RALYL: variants seen among roughly 807,000 people sequenced by gnomAD.
The protein encoded by RALYL is RALY RNA binding protein like.
Under a neutral mutation model 35.1 loss-of-function variants are expected in RALYL, and 29 were observed. That is an observed-to-expected ratio of 0.83 (90% confidence interval 0.61 to 1.13). The LOEUF (loss-of-function observed/expected upper bound fraction) is 1.13. Ranked by LOEUF, RALYL falls within the 50% of genes most tolerant of loss-of-function variation. RALYL has a pLI of 0.00. For synonymous variants in RALYL, 120 were observed against 127.6 expected (o/e 0.94, Z 0.40); for missense variants, 359 against 360.4 (o/e 1.00, Z 0.03).
intron 2 of RALYL, among the ~76,000 whole-genome samples, chr8:84,567,119 C>T (rs905300481): frequency 2.6e-5 from 4 of 151,724 alleles, no homozygotes; most frequent in Non-Finnish European, 5.9e-5. Context: ...TATGAGTTAT[C>T]TATAAATTCT....
chr8:84,210,021 G>A (rs2131146962), intron 1 of RALYL, among the ~76,000 whole-genome samples: 2 of 152,248 alleles, frequency 1.3e-5, no homozygotes, highest in South Asian at 4.1e-4. Flanking sequence ...AAAGGCAAAA[G>A]TAGTTATTAA....
intron 6 of RALYL, among the ~76,000 whole-genome samples, chr8:84,871,798 T>C (rs1840234705): frequency 1.3e-5 from 2 of 152,180 alleles, no homozygotes; most frequent in South Asian, 4.1e-4. Flanking sequence ...ATGGGAAAAG[T>C]TTTCTCATTT....
intron 2 of RALYL, among the ~76,000 whole-genome samples, chr8:84,686,060 A>T (rs1278997151): frequency 6.6e-6 from 1 of 152,202 alleles, no homozygotes; most frequent in Non-Finnish European, 1.5e-5. Flanking sequence ...CAGCTGGTGC[A>T]GTTTTTTTGC....
intron 1 of RALYL, among the ~76,000 whole-genome samples, chr8:84,371,571 A>G (rs1174362585): frequency 6.6e-6 from 1 of 151,262 alleles, no homozygotes; most frequent in Non-Finnish European, 1.5e-5. Context: ...ACACACACAC[A>G]CAGAAAGAGA....
At chr8:84,487,646 A>G (rs909274711) in intron 1 of RALYL, among the ~76,000 whole-genome samples, 4 of 152,122 alleles carry the variant, frequency 2.6e-5, no homozygotes, top group Admixed American at 6.6e-5. Flanking sequence ...CATATTGTCT[A>G]TGCAGCTTTC....
intron 1 of RALYL, among the ~76,000 whole-genome samples, chr8:84,284,408 A>G (rs749632311): frequency 1.4e-4 from 22 of 152,208 alleles, no homozygotes; most frequent in Admixed American, 7.2e-4. Flanking sequence ...TAGGCTATAT[A>G]AAATTCATTT....
intron 2 of RALYL, among the ~76,000 whole-genome samples, chr8:84,669,744 G>A (rs1167845362): frequency 6.6e-6 from 1 of 151,964 alleles, no homozygotes. Context: ...AGTCAGTGGT[G>A]TACTTCCATT....
At chr8:84,757,872 G>A (rs540080154) in intron 2 of RALYL, among the ~76,000 whole-genome samples, 2 of 152,072 alleles carry the variant, frequency 1.3e-5, no homozygotes, top group Non-Finnish European at 2.9e-5. Context: ...TTTCTATATG[G>A]CAAAGTAAAA....
chr8:84,211,712 C>T (rs567169651), intron 1 of RALYL, among the ~76,000 whole-genome samples: 60 of 151,168 alleles, frequency 4.0e-4, no homozygotes, highest in Non-Finnish European at 7.5e-4. Context: ...TGTTGGCTGA[C>T]AGCAAGATGT....
At chr8:84,460,048 A>G (rs9298424) in intron 1 of RALYL, among the ~76,000 whole-genome samples, 62,958 of 151,566 alleles carry the variant, frequency 0.42, 13,160 homozygotes, top group South Asian at 0.53. Context: ...ATGAGATGTG[A>G]GATTTTGGCT....
intron 2 of RALYL, among the ~76,000 whole-genome samples, chr8:84,620,288 C>G (rs1263780956): frequency 1.3e-4 from 20 of 151,956 alleles, no homozygotes; most frequent in Non-Finnish European, 2.5e-4. Context: ...AGGCTTTGCT[C>G]ATTTCTTTTT....
chr8:84,722,617 TTA>T (rs71823678), intron 2 of RALYL, among the ~76,000 whole-genome samples: 978 of 97,240 alleles, frequency 0.01, 13 homozygotes, highest in African/African-American at 0.015. Context: ...TAGAGTGATT[TTA>T]TATATATATA....
intron 4 of RALYL, among the ~76,000 whole-genome samples, chr8:84,808,183 G>A (rs1825100812): frequency 6.6e-6 from 1 of 152,180 alleles, no homozygotes; most frequent in South Asian, 2.1e-4. Context: ...TTATGTATAA[G>A]ACGAGAGATG....
intron 1 of RALYL, among the ~76,000 whole-genome samples, chr8:84,455,135 C>T (rs767016887): frequency 6.6e-6 from 1 of 151,954 alleles, no homozygotes; most frequent in Non-Finnish European, 1.5e-5. Context: ...GAAGTAGAGG[C>T]CTATTGTGTA....
At chr8:84,389,372 C>T (rs1205702533) in intron 1 of RALYL, among the ~76,000 whole-genome samples, 1 of 151,972 alleles carries the variant, frequency 6.6e-6, no homozygotes, top group Non-Finnish European at 1.5e-5. Context: ...TTTTCCAATT[C>T]TGTGAAGAAA....
intron 5 of RALYL, among the ~76,000 whole-genome samples, chr8:84,854,653 A>C (rs1042980451): frequency 4.6e-5 from 7 of 152,332 alleles, no homozygotes; most frequent in African/African-American, 1.7e-4. Flanking sequence ...TACGTATAAC[A>C]GGGCTAATTG....
chr8:84,912,722 G>T (rs527891911), intron 8 of RALYL, among the ~76,000 whole-genome samples: 1 of 152,168 alleles, frequency 6.6e-6, no homozygotes, highest in South Asian at 2.1e-4. Context: ...AGGAAGGTTT[G>T]TTGGGAACAT....
At chr8:84,525,730 G>A (rs78848654) in intron 1 of RALYL, among the ~76,000 whole-genome samples, 320 of 151,614 alleles carry the variant, frequency 2.1e-3, no homozygotes, top group African/African-American at 7.2e-3. Context: ...TCACAAATTC[G>A]TTCTTCTGCA....
chr8:84,728,903 T>G (rs1845553677), intron 2 of RALYL, among the ~76,000 whole-genome samples: 1 of 152,208 alleles, frequency 6.6e-6, no homozygotes, highest in Non-Finnish European at 1.5e-5. Flanking sequence ...TGAAGTCAGG[T>G]AGCGTGATGC....
Sources: gnomAD v4.1 joint callset for allele counts (sites outside exome capture counted in the v4.1 genomes callset) on GRCh38, gnomAD v4.1.1 for gene constraint, MANE v1.5 for transcripts, NCBI Gene and HGNC (gene_info 2026-07-23, HGNC 2026-07-21) for gene names.